Variants in TMEM260 observed in about 807,000 individuals in gnomAD.
TMEM260 encodes the protein transmembrane protein 260.
TMEM260 carries 82 observed loss-of-function variants against 88.9 expected under a neutral mutation model. That is an observed-to-expected ratio of 0.92 (90% CI 0.77 to 1.11). The LOEUF (loss-of-function observed/expected upper bound fraction) is 1.11. Ranked by LOEUF, TMEM260 falls within the 50% of genes least tolerant of loss-of-function variation. TMEM260 has a pLI of 0.00. For missense variants in TMEM260, 902 were observed against 853.4 expected, an observed-to-expected ratio of 1.06 and a Z score of -0.71; for synonymous variants, 314 against 309.3, an observed-to-expected ratio of 1.02 and a Z score of -0.16.
At chr14:56,659,724 C>T in the TMEM260 span, among the ~76,000 whole-genome samples, 2 of 152,200 alleles carry the variant, frequency 1.3e-5, no homozygotes, top group Non-Finnish European at 2.9e-5. Flanking sequence ...GGAGTGGAGG[C>T]GAAGCACCCT....
At chr14:56,625,956 A>G (rs769316597) in intron 12 of TMEM260, among the ~76,000 whole-genome samples, 11 of 152,234 alleles carry the variant, frequency 7.2e-5, no homozygotes, top group African/African-American at 4.8e-5. Flanking sequence ...AGACATTTTT[A>G]TAAATAAGAA....
At chr14:56,634,838 G>C (rs1888905884) in intron 13 of TMEM260, 61 bp from the exon 14 acceptor site, 1 of 1,416,904 alleles carries the variant, frequency 7.1e-7, no homozygotes, top group East Asian at 2.3e-5. Flanking sequence ...GCAAAATTCT[G>C]TCTCAAAAAA....
intron 7 of TMEM260, chr14:56,613,711 TG>T (rs1887422646): frequency 6.6e-6 from 1 of 152,048 alleles, no homozygotes; most frequent in African/African-American, 2.4e-5. Flanking sequence ...GAGACTTTTG[TG>T]GCTTTCTCAT....
chr14:56,599,446 A>G (rs1886435032), intron 3 of TMEM260, among the ~76,000 whole-genome samples: 1 of 152,176 alleles, frequency 6.6e-6, no homozygotes. Flanking sequence ...ATTGCTACCT[A>G]CAAAGCCTTG....
At chr14:56,624,451 G>A (rs1230832699) in intron 11 of TMEM260, among the ~76,000 whole-genome samples, 1 of 152,168 alleles carries the variant, frequency 6.6e-6, no homozygotes, top group Non-Finnish European at 1.5e-5. Flanking sequence ...TCATGTGCCT[G>A]CAATCTCAGC....
intron 3 of TMEM260, among the ~76,000 whole-genome samples, chr14:56,597,904 G>C (rs574573157): frequency 1.3e-5 from 2 of 152,326 alleles, no homozygotes; most frequent in Admixed American, 6.5e-5. Flanking sequence ...CACTAAGATA[G>C]AGAATACAGG....
Position 56,649,137 on chromosome 14 carries a change from A to T in TMEM260, c.*1640A>T, listed in dbSNP as rs1890133939. The T allele has an allele frequency of 6.6e-6, 1 of 152,610 alleles. No individual in the cohort carries two copies. The highest frequency in any genetic ancestry group is 2.4e-5 in the African/African-American group (1 of 41,436). The allele number at this position is 152,610 out of a possible 1,614,324, so 9.5% of individuals were successfully genotyped here. ...TAGTTGTAACAGTTCAGCTGTTAGG[A>T]AGACAAATAAATGGAGGAGCTCATT... On this transcript the variant is annotated 3_prime_UTR_variant, in exon 16 of 16. Transcript: ENST00000261556.
At chr14:56,636,103 GGGGTCTAA>G (rs946218443) in intron 14 of TMEM260, among the ~76,000 whole-genome samples, 1 of 152,148 alleles carries the variant, frequency 6.6e-6, no homozygotes, top group African/African-American at 2.4e-5. Flanking sequence ...ATGAGTTCAT[GGGGTCTAA>G]GGGTCTGGCC....
At chr14:56,635,120 A>G (rs940037149) in intron 14 of TMEM260, among the ~76,000 whole-genome samples, 168 bp downstream of exon 14, 2 of 152,190 alleles carry the variant, frequency 1.3e-5, no homozygotes, top group Non-Finnish European at 2.9e-5. Context: ...TGAATATTTC[A>G]GTTCATCCAC....
intron 2 of TMEM260, chr14:56,585,557 G>T: frequency 1.8e-6 from 1 of 544,714 alleles, no homozygotes; most frequent in Non-Finnish European, 3.2e-6. Flanking sequence ...CGCACCATGT[G>T]ATAGACGCTG....
chr14:56,596,049 G>A (rs1260634660), intron 3 of TMEM260, among the ~76,000 whole-genome samples: 1 of 151,922 alleles, frequency 6.6e-6, no homozygotes. Context: ...AATAGCATTT[G>A]TTACCAAGAC....
At chr14:56,622,342 CAAAAAAAA>C (rs71448489) in intron 11 of TMEM260, among the ~76,000 whole-genome samples, 14 of 87,264 alleles carry the variant, frequency 1.6e-4, no homozygotes, top group African/African-American at 2.9e-4. Context: ...GACTCCGTCT[CAAAAAAAA>C]AAAAAAAAAA....
At position 56,618,718 on chromosome 14, in the gene TMEM260, T is replaced by C; in HGVS notation, c.1181T>C (p.Leu394Pro). ...AATGGGCTTCAGTGTCTGGAATGGCTTTCTGCAACTCTTTTTGTAGTTTAC... is the reference window on the plus strand; with the variant it reads ...AATGGGCTTCAGTGTCTGGAATGGCCTTCTGCAACTCTTTTTGTAGTTTAC... ...NSNGLQCLEW[L>P]SATLFVVYQI... Residue 394 changes from leucine to proline, a missense_variant, in exon 10 of 16, where the codon CTT (leucine) becomes CCT (proline). Leu to Pro is a moderately conservative substitution (Grantham distance 98). Coordinates refer to ENST00000261556, the MANE Select transcript of TMEM260 (RefSeq NM_017799.4). 6.2e-7 allele frequency: 1 copy of C among 1,614,228 alleles called. No individual in the cohort carries two copies. The highest frequency in any genetic ancestry group is 1.1e-5 in the South Asian group (1 of 91,088).
At chr14:56,601,244 T>C (rs989659379) in intron 3 of TMEM260, among the ~76,000 whole-genome samples, 3 of 152,210 alleles carry the variant, frequency 2.0e-5, no homozygotes, top group African/African-American at 7.2e-5. Flanking sequence ...GATGCCTTTC[T>C]GAGTGTAAGA....
intron 7 of TMEM260, among the ~76,000 whole-genome samples, chr14:56,615,143 T>C (rs1466271851): frequency 6.6e-6 from 1 of 152,170 alleles, no homozygotes. Context: ...TATCTTCTCA[T>C]AGTAGATGAG....
At chr14:56,586,641 A>G (rs1885522651) in intron 3 of TMEM260, among the ~76,000 whole-genome samples, 1 of 152,120 alleles carries the variant, frequency 6.6e-6, no homozygotes, top group African/African-American at 2.4e-5. Flanking sequence ...AAAAGGAAAA[A>G]CCAAATTAAA....
intron 12 of TMEM260, among the ~76,000 whole-genome samples, chr14:56,631,944 G>A (rs1888636926): frequency 6.6e-6 from 1 of 152,266 alleles, no homozygotes; most frequent in Non-Finnish European, 1.5e-5. Context: ...GAAATTCCTG[G>A]TGTGGTTGGG....
At chr14:56,654,660 C>A (rs1396850978), downstream of TMEM260, among the ~76,000 whole-genome samples, 1 of 151,744 alleles carries the variant, frequency 6.6e-6, no homozygotes, top group South Asian at 2.1e-4. Flanking sequence ...ACTAAAAATA[C>A]AAAGTTAGCC....
chr14:56,656,095 T>A, the TMEM260 span, among the ~76,000 whole-genome samples: 4 of 152,136 alleles, frequency 2.6e-5, no homozygotes, highest in Admixed American at 6.6e-5. Flanking sequence ...TGCCACTTCC[T>A]CACTGTGTGA....
Sources: allele counts gnomAD v4.1 joint callset (sites outside exome capture counted in the v4.1 genomes callset), GRCh38; gene constraint gnomAD v4.1.1; transcripts MANE v1.5; gene names NCBI Gene and HGNC (gene_info 2026-07-23, HGNC 2026-07-21).